Variants in SYT1 observed in about 807,000 individuals in gnomAD.
SYT1 encodes the protein synaptotagmin-1.
Under a neutral mutation model 44.8 loss-of-function variants are expected in SYT1, and 8 were observed. The observed-to-expected ratio is 0.18, with a 90% CI of 0.10 to 0.32. The LOEUF (loss-of-function observed/expected upper bound fraction) is 0.32. Ranked by LOEUF, SYT1 falls within the 10% of genes least tolerant of loss-of-function variation. The pLI is 1.00. For missense variants in SYT1, 286 were observed against 509.3 expected (o/e 0.56, Z 4.22); for synonymous variants, 154 against 188.8 (o/e 0.82, Z 1.51).
At chr12:78,877,407 G>A (rs1372507961) in intron 1 of SYT1, among the ~76,000 whole-genome samples, 1 of 151,488 alleles carries the variant, frequency 6.6e-6, no homozygotes, top group African/African-American at 2.4e-5. Flanking sequence ...GGGAATTTTG[G>A]GAGCTACAAT....
At position 79,223,248 on chromosome 12, in the gene SYT1, G is replaced by T. The variant is rs189409033; in HGVS notation, c.166+5563G>T. 1.9e-3 allele frequency among the ~76,000 whole-genome samples: 287 copies of T among 152,264 alleles called. 2 individuals are homozygous for T. Among genetic ancestry groups the T allele is most frequent in the African/African-American group, 6.7e-3 (277 of 41,542 alleles). On this transcript the variant is annotated intron_variant, in intron 4 of 10. Coordinates refer to ENST00000261205, the MANE Select transcript of SYT1 (RefSeq NM_005639.3). ...TACTTCAGTCTTCACAGTCTTCATA[G>T]ACAGGCTTTGTCTGTGAAAGCCCTG...
At chr12:79,300,709 A>G (rs1479387058) in intron 8 of SYT1, among the ~76,000 whole-genome samples, 1 of 150,126 alleles carries the variant, frequency 6.7e-6, no homozygotes, top group African/African-American at 2.4e-5. Context: ...TTTTTTTTGG[A>G]AAAAAGTATG....
intron 1 of SYT1, among the ~76,000 whole-genome samples, chr12:78,880,758 A>G (rs1275619094): frequency 6.6e-6 from 1 of 151,638 alleles, no homozygotes; most frequent in Non-Finnish European, 1.5e-5. Flanking sequence ...AGACTAAGTT[A>G]TAATTTACAA....
intron 4 of SYT1, among the ~76,000 whole-genome samples, chr12:79,252,164 T>G (rs1262450061): frequency 6.6e-6 from 1 of 152,168 alleles, no homozygotes. Context: ...TCATTAAGCT[T>G]CTAAATGTGA....
intron 3 of SYT1, among the ~76,000 whole-genome samples, chr12:79,116,697 A>ATATTGAATTCTCATAG (rs1879295149): frequency 6.6e-6 from 1 of 152,190 alleles, no homozygotes; most frequent in Non-Finnish European, 1.5e-5. Context: ...GCCCTTACCT[A>ATATTGAATTCTCATAG]TATTGAATTC....
At chr12:79,277,712 T>C (rs1046115746) in intron 4 of SYT1, among the ~76,000 whole-genome samples, 2 of 152,042 alleles carry the variant, frequency 1.3e-5, no homozygotes, top group Non-Finnish European at 2.9e-5. Context: ...ACTTAAAAGA[T>C]ATAGGTTGGC....
At chr12:79,444,288 T>TATC in intron 10 of SYT1, 82 bp downstream of exon 10, 14 of 1,528,820 alleles carry the variant, frequency 9.2e-6, no homozygotes, top group Non-Finnish European at 1.3e-5. Context: ...CCTTGTAAGT[T>TATC]ATCAGTGCAC....
chr12:79,080,669 A>G (rs1256425727), intron 3 of SYT1, among the ~76,000 whole-genome samples: 1 of 152,210 alleles, frequency 6.6e-6, no homozygotes, highest in Non-Finnish European at 1.5e-5. Flanking sequence ...ACTGGCTCCA[A>G]TATAAATTAG....
intron 9 of SYT1, among the ~76,000 whole-genome samples, chr12:79,417,799 C>A (rs570124217): frequency 6.6e-6 from 1 of 151,592 alleles, no homozygotes; most frequent in East Asian, 2.0e-4. Flanking sequence ...CCCACTCCCA[C>A]CCCCCACTTC....
At chr12:79,013,829 T>C (rs1871588772) in intron 2 of SYT1, among the ~76,000 whole-genome samples, 1 of 152,020 alleles carries the variant, frequency 6.6e-6, no homozygotes, top group African/African-American at 2.4e-5. Flanking sequence ...TCCATTTTGT[T>C]AGAAAATAAG....
intron 1 of SYT1, among the ~76,000 whole-genome samples, chr12:78,890,946 C>G (rs1316786472): frequency 1.3e-5 from 2 of 151,916 alleles, no homozygotes; most frequent in African/African-American, 2.4e-5. Context: ...TCCTAACATG[C>G]ACCTCTCCAG....
intron 9 of SYT1, among the ~76,000 whole-genome samples, chr12:79,423,779 C>T (rs1869263396): frequency 6.6e-6 from 1 of 151,546 alleles, no homozygotes; most frequent in Non-Finnish European, 1.5e-5. Flanking sequence ...AAATCTAGTC[C>T]CTCTCCTAAA....
chr12:79,077,699 A>G (rs1432703554), intron 3 of SYT1, among the ~76,000 whole-genome samples: 1 of 152,208 alleles, frequency 6.6e-6, no homozygotes, highest in African/African-American at 2.4e-5. Flanking sequence ...AGCATTACAT[A>G]CTTTCTGCTT....
intron 8 of SYT1, among the ~76,000 whole-genome samples, chr12:79,300,168 A>T (rs1179868116): frequency 6.6e-6 from 1 of 152,132 alleles, no homozygotes; most frequent in African/African-American, 2.4e-5. Flanking sequence ...CCATGACTTG[A>T]AAAGGGAAGT....
intron 7 of SYT1, among the ~76,000 whole-genome samples, chr12:79,297,052 A>T (rs1461615660): frequency 6.6e-6 from 1 of 152,218 alleles, no homozygotes; most frequent in African/African-American, 2.4e-5. Flanking sequence ...TCCATCAGCC[A>T]GGCTTAGCAT....
At chr12:79,037,030 T>G (rs2137698408) in intron 2 of SYT1, among the ~76,000 whole-genome samples, 1 of 152,002 alleles carries the variant, frequency 6.6e-6, no homozygotes, top group South Asian at 2.1e-4. Flanking sequence ...TTTGTCATTA[T>G]GTAACCTTAT....
chr12:79,374,927 T>G (rs978680309), intron 9 of SYT1, among the ~76,000 whole-genome samples: 3 of 152,166 alleles, frequency 2.0e-5, no homozygotes, highest in African/African-American at 7.2e-5. Flanking sequence ...ATAGTAAATA[T>G]TTTAGGCTTT....
intron 9 of SYT1, among the ~76,000 whole-genome samples, chr12:79,397,590 T>C (rs1433151506): frequency 6.6e-6 from 1 of 152,146 alleles, no homozygotes; most frequent in Non-Finnish European, 1.5e-5. Context: ...CTGGTTGCTG[T>C]GTGGAAGTTG....
intron 1 of SYT1, among the ~76,000 whole-genome samples, chr12:78,886,243 T>G (rs989084287): frequency 6.6e-6 from 1 of 152,002 alleles, no homozygotes; most frequent in African/African-American, 2.4e-5. Flanking sequence ...CGTCAGAGAA[T>G]GAGAAGCATT....
Sources: gnomAD v4.1 joint callset for allele counts (sites outside exome capture counted in the v4.1 genomes callset) on GRCh38, gnomAD v4.1.1 for gene constraint, MANE v1.5 for transcripts, NCBI Gene and HGNC (gene_info 2026-07-23, HGNC 2026-07-21) for gene names.